Variants in SSU72 observed in about 807,000 individuals in gnomAD.
The protein encoded by SSU72 is RNA polymerase II subunit A C-terminal domain phosphatase SSU72.
A neutral mutation model predicts 22.7 loss-of-function variants in SSU72; 12 were observed. The observed-to-expected ratio is 0.53, with a 90% confidence interval of 0.34 to 0.86. The LOEUF (loss-of-function observed/expected upper bound fraction) is 0.86. Ranked by LOEUF, SSU72 falls within the 40% of genes least tolerant of loss-of-function variation. The pLI is 0.02. For synonymous variants in SSU72, 116 were observed against 98.3 expected (o/e 1.18, Z -1.06); for missense variants, 151 against 249.8 (o/e 0.60, Z 2.67).
At chr1:1,567,509 A>G (rs1194103649) in intron 1 of SSU72, among the ~76,000 whole-genome samples, 2 of 152,220 alleles carry the variant, frequency 1.3e-5, no homozygotes, top group African/African-American at 4.8e-5. Context: ...TGACGGAAAC[A>G]TGAGGTTAAA....
intron 2 of SSU72, chr1:1,560,928 AATTT>A (rs1273771043): frequency 2.6e-5 from 4 of 152,252 alleles, no homozygotes; most frequent in Admixed American, 6.5e-5. Flanking sequence ...TGCATGTCCT[AATTT>A]ATTTAATTAT....
intron 2 of SSU72, among the ~76,000 whole-genome samples, chr1:1,557,495 C>CAT (rs3073301): frequency 1.1e-4 from 16 of 150,706 alleles, no homozygotes; most frequent in Non-Finnish European, 2.2e-4. Flanking sequence ...TCTGAATTAG[C>CAT]ATATATATAT....
intron 1 of SSU72, among the ~76,000 whole-genome samples, chr1:1,570,417 T>A (rs1642713806): frequency 6.7e-6 from 1 of 150,298 alleles, no homozygotes; most frequent in African/African-American, 2.5e-5. Flanking sequence ...TGAAATTTCC[T>A]AAGAGTCTGA....
intron 1 of SSU72, among the ~76,000 whole-genome samples, chr1:1,567,425 G>A (rs758169994): frequency 6.6e-5 from 10 of 152,130 alleles, no homozygotes; most frequent in Non-Finnish European, 1.2e-4. Flanking sequence ...CCGTGTTCAC[G>A]GCACCCGGAC....
rs1642790008 is a variant in SSU72, at chr1:1,574,702, C to G, written c.-145G>C. ...GGCGGTGTAGCGTGCGGCGACTGCG[C>G]GGCGGCCTCCCCGCCCACCCTGGGC... On this transcript the variant is annotated 5_prime_UTR_variant, in exon 1 of 5. Coordinates refer to ENST00000291386, the MANE Select transcript of SSU72 (RefSeq NM_014188.3). 1.4e-6 allele frequency: 1 copy of G among 726,386 alleles called. No homozygotes were observed. Among genetic ancestry groups the G allele is most frequent in the Admixed American group, 4.5e-5 (1 of 22,086 alleles). The allele number at this position is 726,386 out of a possible 1,614,324, so 45.0% of individuals were successfully genotyped here.
At chr1:1,556,067 G>A (rs1002386942) in intron 2 of SSU72, among the ~76,000 whole-genome samples, 1 of 152,078 alleles carries the variant, frequency 6.6e-6, no homozygotes, top group African/African-American at 2.4e-5. Flanking sequence ...AGGCCAATGC[G>A]GGTGGATCAC....
At chr1:1,550,881 C>T (rs553873725) in intron 2 of SSU72, among the ~76,000 whole-genome samples, 54 of 152,304 alleles carry the variant, frequency 3.5e-4, no homozygotes, top group Non-Finnish European at 6.2e-4. Context: ...CCTGCTGGGC[C>T]TGGGAGGTGC....
chr1:1,570,836 G>A (rs1030278924), intron 1 of SSU72, among the ~76,000 whole-genome samples: 3 of 152,214 alleles, frequency 2.0e-5, no homozygotes, highest in Non-Finnish European at 4.4e-5. Context: ...AGCAGGCTGG[G>A]CGTGGTGGCT....
At chr1:1,555,861 G>A (rs192333984) in intron 2 of SSU72, among the ~76,000 whole-genome samples, 7 of 152,120 alleles carry the variant, frequency 4.6e-5, no homozygotes, top group Non-Finnish European at 7.4e-5. Context: ...AGGCCAGGTG[G>A]GGTGGCTCAT....
rs1642336337 is a variant in SSU72 at position 1,542,565 on chromosome 1, CTCCA to C, written c.484-402_484-399del. 6.6e-6 allele frequency among the ~76,000 whole-genome samples: 1 copy of C among 152,142 alleles called. No homozygotes were observed. On this transcript the variant is annotated intron_variant, in intron 4 of 4. Transcript: ENST00000291386. The surrounding 1 kb of genome is among the most constrained non-coding windows in gnomAD (Gnocchi z 4.4). Reference sequence around the variant, plus strand: ...AGCCTGGTCATCGGAGCATCCTGGCCTCCATCCACCAGAGCCCCTGGCAGAGGGC... The same window carrying C: ...AGCCTGGTCATCGGAGCATCCTGGCCTCCACCAGAGCCCCTGGCAGAGGGC...
intron 2 of SSU72, among the ~76,000 whole-genome samples, chr1:1,547,094 G>C (rs1244831647): frequency 6.6e-6 from 1 of 152,174 alleles, no homozygotes; most frequent in Non-Finnish European, 1.5e-5. Flanking sequence ...CACATGCAGA[G>C]GGGCAGGTGC....
In SSU72 at chr1:1,574,465, G is replaced by A; in HGVS notation, c.80+13C>T. Reference sequence around the variant, plus strand: ...GGAGCAGAGCGCGCGGGGACAGGGTGGAGCCCAACTACCTGAGGATGTTGT... The same window carrying A: ...GGAGCAGAGCGCGCGGGGACAGGGTAGAGCCCAACTACCTGAGGATGTTGT... On this transcript the variant is annotated intron_variant, in intron 1 of 4. Coordinates refer to ENST00000291386, the MANE Select transcript of SSU72 (RefSeq NM_014188.3). 1 of 1,591,814 alleles carries A rather than the reference G, an allele frequency of 6.3e-7. No individual in the cohort carries two copies. Among genetic ancestry groups the A allele is most frequent in the South Asian group, 1.1e-5 (1 of 88,460 alleles).
At chr1:1,569,528 T>C (rs1642703535) in intron 1 of SSU72, among the ~76,000 whole-genome samples, 1 of 152,188 alleles carries the variant, frequency 6.6e-6, no homozygotes, top group South Asian at 2.1e-4. Context: ...ACTTGGTTTG[T>C]CGTCCAGCCA....
At chr1:1,568,194 G>T (rs1162831038) in intron 1 of SSU72, among the ~76,000 whole-genome samples, 3 of 152,226 alleles carry the variant, frequency 2.0e-5, no homozygotes, top group Non-Finnish European at 4.4e-5. Context: ...ATAAAAGCAA[G>T]GACAGCTTGG....
At chr1:1,564,319 T>A in intron 2 of SSU72, 1 of 657,556 alleles carries the variant, frequency 1.5e-6, no homozygotes, top group Non-Finnish European at 2.4e-6. Flanking sequence ...AGCTCCGCCC[T>A]CTTCTTTATC....
chr1:1,567,595 C>T (rs529044285), intron 1 of SSU72, among the ~76,000 whole-genome samples: 2 of 152,228 alleles, frequency 1.3e-5, no homozygotes, highest in Admixed American at 1.3e-4. Context: ...AGGGAGCACA[C>T]GTGAGAAACA....
chr1:1,572,525 C>T (rs1457120497), intron 1 of SSU72, among the ~76,000 whole-genome samples: 12 of 150,630 alleles, frequency 8.0e-5, no homozygotes, highest in African/African-American at 2.9e-4. Flanking sequence ...GGCATGATCT[C>T]GGCTCAATGC....
chr1:1,546,431 G>C (rs1642389598), intron 2 of SSU72: 1 of 152,246 alleles, frequency 6.6e-6, no homozygotes, highest in African/African-American at 2.4e-5. Flanking sequence ...CCTGGAAGCA[G>C]CTATGACACC....
chr1:1,571,040 A>G (rs1368395735), intron 1 of SSU72, among the ~76,000 whole-genome samples: 2 of 152,090 alleles, frequency 1.3e-5, no homozygotes, highest in Non-Finnish European at 2.9e-5. Flanking sequence ...AGGTCAGGAG[A>G]TCGAGGCCAT....
Sources: allele counts gnomAD v4.1 joint callset (sites outside exome capture counted in the v4.1 genomes callset), GRCh38; gene constraint gnomAD v4.1.1; non-coding constraint Gnocchi (gnomAD v3.1); transcripts MANE v1.5; gene names NCBI Gene and HGNC (gene_info 2026-07-23, HGNC 2026-07-21).